STARD9: variants seen among roughly 807,000 people sequenced by gnomAD.
STARD9 encodes the protein stAR-related lipid transfer protein 9.
Under a neutral mutation model 399.8 loss-of-function variants are expected in STARD9, and 346 were observed. The ratio of observed to expected loss-of-function variants is 0.87; its 90% confidence interval spans 0.79 to 0.95. The LOEUF (loss-of-function observed/expected upper bound fraction) is 0.95. Ranked by LOEUF, STARD9 falls within the 40% of genes least tolerant of loss-of-function variation. The pLI is 0.00. For missense variants in STARD9, 5,832 were observed against 5,667.5 expected, an observed-to-expected ratio of 1.03 and a Z score of -0.93; for synonymous variants, 2,203 against 2,143.5, an observed-to-expected ratio of 1.03 and a Z score of -0.77.
intron 3 of STARD9, among the ~76,000 whole-genome samples, chr15:42,634,503 T>G (rs1441140455): frequency 2.0e-5 from 3 of 152,220 alleles, no homozygotes; most frequent in Admixed American, 1.3e-4. Context: ...TTTACCTGAT[T>G]AACCATATTA....
At position 42,654,214 on chromosome 15, in the gene STARD9, A is replaced by C. The variant is rs1019032393; in HGVS notation, c.702+1622A>C. On this transcript the variant is annotated intron_variant, in intron 9 of 32. Coordinates refer to ENST00000290607, the MANE Select transcript of STARD9 (RefSeq NM_020759.3). ...AACAAAGGAGATATGAGACACAGAA[A>C]AAAGAAAAATCAGACATGGATGGTT... Among the ~76,000 whole-genome samples, 5 of 152,208 alleles carry C rather than the reference A, an allele frequency of 3.3e-5. No homozygotes were observed. The East Asian group carries it at 9.6e-4, about 29-fold the overall frequency.
At chr15:42,703,662 C>G (rs953982942) in intron 26 of STARD9, among the ~76,000 whole-genome samples, 1 of 151,970 alleles carries the variant, frequency 6.6e-6, no homozygotes, top group Non-Finnish European at 1.5e-5. Context: ...CGTGGGCCAC[C>G]GCGCCTGGCC....
At position 42,690,468 on chromosome 15, in the gene STARD9, A is replaced by C. The variant is rs562052805; in HGVS notation, c.8890A>C (p.Thr2964Pro). 2.0e-5 allele frequency: 31 copies of C among 1,537,186 alleles called. No homozygotes were observed. In the East Asian group the frequency reaches 6.1e-4, roughly 30 times the overall value. ...GCCATGCAGTTCTCAACCTGTTGCT[A>C]CTCATGCTTATTCCTCCCATTCCTC... ...RQPCSSQPVATHAYSSHSSTL... is the reference protein window; with the variant it reads ...RQPCSSQPVAPHAYSSHSSTL... Residue 2964 changes from threonine to proline, a missense_variant, in exon 23 of 33, where the codon ACT (threonine) becomes CCT (proline). By Grantham distance (38) the Thr-to-Pro change is conservative. Transcript: ENST00000290607.
At chr15:42,711,046 C>T (rs752884469) in intron 26 of STARD9, among the ~76,000 whole-genome samples, 3 of 151,774 alleles carry the variant, frequency 2.0e-5, no homozygotes, top group Non-Finnish European at 4.4e-5. Flanking sequence ...GGTGCAATCA[C>T]AGCTCATTCT....
chr15:42,650,048 C>G (rs550361351), intron 7 of STARD9, among the ~76,000 whole-genome samples: 48 of 151,526 alleles, frequency 3.2e-4, no homozygotes, highest in South Asian at 1.7e-3. Flanking sequence ...GCATTTTTAG[C>G]AGAGACAGGG....
chr15:42,672,472 A>T (rs1467400309), intron 16 of STARD9: 1 of 152,240 alleles, frequency 6.6e-6, no homozygotes, highest in East Asian at 1.9e-4. Context: ...GATGTGCCAT[A>T]GCCTTTATCT....
At chr15:42,714,724 C>T (rs1227116068) in intron 26 of STARD9, among the ~76,000 whole-genome samples, 1 of 152,172 alleles carries the variant, frequency 6.6e-6, no homozygotes, top group African/African-American at 2.4e-5. Flanking sequence ...ACTACAGGCA[C>T]AGTTATCTTT....
intron 20 of STARD9, 63 bp from the exon 21 acceptor site, chr15:42,681,359 A>G: frequency 2.0e-6 from 3 of 1,476,926 alleles, no homozygotes; most frequent in Non-Finnish European, 2.7e-6. Context: ...TTACACTGCT[A>G]TCAGTTTGTC....
At chr15:42,707,517 T>C (rs2061115582) in intron 26 of STARD9, among the ~76,000 whole-genome samples, 2 of 150,700 alleles carry the variant, frequency 1.3e-5, no homozygotes, top group African/African-American at 4.9e-5. Context: ...TCGCCAAGGC[T>C]GGAGTGCAGT....
chr15:42,578,922 A>T (rs1307803065), intron 1 of STARD9, among the ~76,000 whole-genome samples: 2 of 152,170 alleles, frequency 1.3e-5, no homozygotes, highest in South Asian at 2.1e-4. Flanking sequence ...GTCTTTTCAT[A>T]GTTCAAAAGG....
intron 26 of STARD9, among the ~76,000 whole-genome samples, chr15:42,697,265 C>G (rs1348841811): frequency 6.6e-6 from 1 of 152,036 alleles, no homozygotes; most frequent in African/African-American, 2.4e-5. Flanking sequence ...GTGCTGACTT[C>G]TTTTAATTAG....
Position 42,690,397 on chromosome 15 carries a change from T to C in STARD9, c.8819T>C (p.Leu2940Pro). The change falls in exon 23 of 33, where the codon CTC becomes CCC. Residue 2940 changes from leucine (L) to proline (P), a missense_variant. Physicochemically the swap from Leu to Pro is moderately conservative, Grantham distance 98 (BLOSUM62 -3). Transcript: ENST00000290607. Reference protein sequence around the residue: ...FSRNPEGSRTLSPSRGKESRT... With the variant: ...FSRNPEGSRTPSPSRGKESRT... ...AGGAACCCTGAAGGCAGCAGGACTCTCAGCCCGTCTAGAGGGAAAGAGAGC... is the reference window on the plus strand; with the variant it reads ...AGGAACCCTGAAGGCAGCAGGACTCCCAGCCCGTCTAGAGGGAAAGAGAGC... The C allele has an allele frequency of 6.5e-7, 1 of 1,537,256 alleles. No homozygotes were observed. Among genetic ancestry groups the C allele is most frequent in the Non-Finnish European group, 8.7e-7 (1 of 1,146,898 alleles).
At chr15:42,602,872 C>T (rs2058655998) in intron 3 of STARD9, among the ~76,000 whole-genome samples, 1 of 152,176 alleles carries the variant, frequency 6.6e-6, no homozygotes, top group South Asian at 2.1e-4. Flanking sequence ...CCTTTTGTTA[C>T]TTTTGTTACT....
At position 42,663,188 on chromosome 15, in the gene STARD9, T is replaced by C. The variant is rs1294493828; in HGVS notation, c.869-93T>C. The C allele has an allele frequency of 8.7e-6, 10 of 1,148,174 alleles. No individual in the cohort carries two copies. The African/African-American group carries it at 1.2e-4, about 14-fold the overall frequency. The allele number at this position is 1,148,174 out of a possible 1,614,324, so 71.1% of individuals were successfully genotyped here. ...ATGCAGAAGGGATTAGGAAATATGA[T>C]ACTTAAGTCTGTGTTCTCCAACCAT... is the stretch of plus-strand genomic sequence containing the variant. On this transcript the variant is annotated intron_variant, in intron 11 of 32. Coordinates refer to ENST00000290607, the MANE Select transcript of STARD9 (RefSeq NM_020759.3).
intron 3 of STARD9, among the ~76,000 whole-genome samples, chr15:42,590,378 T>C (rs1201367105): frequency 6.6e-6 from 1 of 152,160 alleles, no homozygotes; most frequent in Non-Finnish European, 1.5e-5. Context: ...TTTCTTCTTA[T>C]TACAAAGGAA....
chr15:42,673,165 G>C (rs1004510447), intron 16 of STARD9: 1 of 152,126 alleles, frequency 6.6e-6, no homozygotes, highest in African/African-American at 2.4e-5. Context: ...ACTTTGGGAG[G>C]CCAAGGCTAG....
chr15:42,719,528 G>A lies in STARD9; in HGVS notation c.14057G>A (p.Arg4686Gln), dbSNP rs201252548. ...PPQLLSSFIK[R>Q]QPLVIARLAS... ...CAGCTCCTGAGCTCTTTCATCAAAC[G>A]GCAGCCACTGGTTATAGCCAGACTG... is the stretch of plus-strand genomic sequence containing the variant. The change falls in exon 33 of 33, where the codon CGG (arginine) becomes CAG (glutamine). Residue 4686 changes from arginine to glutamine, a missense_variant. Transcript: ENST00000290607. 402 of 1,537,152 alleles carry A rather than the reference G, an allele frequency of 2.6e-4. 1 individual carries two copies. In the African/African-American group the frequency reaches 3.6e-3, roughly 14 times the overall value.
intron 9 of STARD9, among the ~76,000 whole-genome samples, chr15:42,655,946 T>C (rs1009897879): frequency 2.6e-5 from 4 of 152,002 alleles, no homozygotes; most frequent in Non-Finnish European, 4.4e-5. Context: ...AAAGAAGATA[T>C]ACAAATGGCA....
At chr15:42,655,181 C>A (rs1294821428) in intron 9 of STARD9, among the ~76,000 whole-genome samples, 3 of 152,158 alleles carry the variant, frequency 2.0e-5, no homozygotes, top group African/African-American at 7.2e-5. Context: ...ATTCGGGAGG[C>A]TGAGGCAGGA....
Sources: allele counts gnomAD v4.1 joint callset (sites outside exome capture counted in the v4.1 genomes callset), GRCh38; gene constraint gnomAD v4.1.1; transcripts MANE v1.5; gene names NCBI Gene and HGNC (gene_info 2026-07-23, HGNC 2026-07-21).